The following DOCK2 variants were observed in gnomAD, a reference collection of about 807,000 sequenced individuals.
DOCK2 encodes dedicator of cytokinesis protein 2.
A neutral mutation model predicts 248.9 loss-of-function variants in DOCK2; 87 were observed. That is an observed-to-expected ratio of 0.35 (90% CI 0.29 to 0.42). DOCK2 has a LOEUF of 0.42. Ranked by LOEUF, DOCK2 falls within the 10% of genes least tolerant of loss-of-function variation. DOCK2 has a pLI of 1.00. For synonymous variants in DOCK2, 805 were observed against 821.6 expected (o/e 0.98, Z 0.35); for missense variants, 1,747 against 2,300.2 (o/e 0.76, Z 4.92).
chr5:170,012,768 C>CA (rs957067044), intron 32 of DOCK2, among the ~76,000 whole-genome samples: 1 of 152,310 alleles, frequency 6.6e-6, no homozygotes, highest in Admixed American at 6.5e-5. Context: ...AAGAAATGCA[C>CA]ATTTTGCTCA....
intron 25 of DOCK2, 137 bp from the exon 26 acceptor site, chr5:169,802,921 A>G: frequency 8.9e-7 from 1 of 1,123,004 alleles, no homozygotes; most frequent in African/African-American, 1.6e-5. Context: ...TCTTAACCTA[A>G]TCTTTAATAT....
chr5:169,807,231 G>A (rs1004546605), intron 26 of DOCK2, among the ~76,000 whole-genome samples: 9 of 152,166 alleles, frequency 5.9e-5, no homozygotes, highest in Admixed American at 1.3e-4. Flanking sequence ...CAGCCAGCAT[G>A]AAGAGCCACA....
intron 27 of DOCK2, among the ~76,000 whole-genome samples, chr5:169,979,884 C>G (rs1443774046): frequency 6.6e-6 from 1 of 152,174 alleles, no homozygotes; most frequent in Non-Finnish European, 1.5e-5. Context: ...GCCACTCTCT[C>G]TAGATGGGGA....
In DOCK2 at chr5:170,059,008, G is replaced by A. The variant is rs575110008; in HGVS notation, c.4467+1342G>A. 8.5e-5 allele frequency among the ~76,000 whole-genome samples: 13 copies of A among 152,226 alleles called. No homozygotes were observed. The South Asian group carries it at 1.9e-3, about 22-fold the overall frequency. The stretch of plus-strand genomic sequence containing the variant: ...TTTCAACCCCTCAGCAACCCTGTGA[G>A]GTAGATATTATTATTCTTCCCATTT... On this transcript the variant is annotated intron_variant, in intron 44 of 51. Transcript: ENST00000520908.
In DOCK2 at chr5:169,949,741, A is replaced by G. The variant is rs1174650943; in HGVS notation, c.2800-33327A>G. On this transcript the variant is annotated intron_variant, in intron 27 of 51. Coordinates refer to ENST00000520908, the MANE Select transcript of DOCK2 (RefSeq NM_004946.3). Reference sequence around the variant, plus strand: ...ACAGAGTAGGAGAGTTTCTGAGTGTACACAGAGGTGTAGCATTTCAGATTC... The same window carrying G: ...ACAGAGTAGGAGAGTTTCTGAGTGTGCACAGAGGTGTAGCATTTCAGATTC... Among the ~76,000 whole-genome samples, 4 of 114,740 alleles carry G rather than the reference A, an allele frequency of 3.5e-5. 1 individual carries two copies. The highest frequency in any genetic ancestry group is 7.3e-5 in the Non-Finnish European group (4 of 54,730). 75.3% of individuals were successfully genotyped at this position (114,740 alleles called of 152,430 possible).
intron 6 of DOCK2, among the ~76,000 whole-genome samples, chr5:169,677,176 C>G (rs1015699034): frequency 4.6e-5 from 7 of 152,138 alleles, no homozygotes; most frequent in African/African-American, 7.2e-5. Flanking sequence ...TTCAGGGGAG[C>G]TGGCATGGCA....
intron 29 of DOCK2, among the ~76,000 whole-genome samples, chr5:169,990,079 C>T (rs1242435616): frequency 2.1e-5 from 2 of 94,062 alleles, no homozygotes; most frequent in Admixed American, 2.3e-4. Context: ...AAGAAAGAAC[C>T]CTCTTAATGT....
chr5:170,036,548 T>C lies in DOCK2; in HGVS notation c.3658T>C (p.Tyr1220His). Reference protein sequence around the residue: ...FYKDNNREEMYIRYLYKLRDL... With the variant: ...FYKDNNREEMHIRYLYKLRDL... ...CAAAGATAACAACAGGGAGGAGATG[T>C]ACATAAGGTAAGATTCATATTTTCT... The change falls in exon 36 of 52, where the codon TAC (tyrosine) becomes CAC (histidine). Residue 1220 changes from tyrosine (Y) to histidine (H), a missense_variant. By Grantham distance (83) the Tyr-to-His change is moderately conservative (BLOSUM62 2). This residue lies in a region of DOCK2 where 858 missense variants were observed against 1,183.5 expected (regional missense o/e 0.72). Coordinates refer to ENST00000520908, the MANE Select transcript of DOCK2 (RefSeq NM_004946.3). 1 of 1,613,254 alleles carries C rather than the reference T, an allele frequency of 6.2e-7. No homozygotes were observed. Among genetic ancestry groups the C allele is most frequent in the Non-Finnish European group, 8.5e-7 (1 of 1,179,596 alleles).
intron 27 of DOCK2, among the ~76,000 whole-genome samples, chr5:169,920,670 G>A (rs1581418558): frequency 6.6e-6 from 1 of 152,326 alleles, no homozygotes; most frequent in East Asian, 1.9e-4. Context: ...GGCAGGTGAT[G>A]GACAGTGTAG....
Position 169,903,961 on chromosome 5 carries a change from G to A in DOCK2, c.2799+63109G>A, listed in dbSNP as rs558876684. 1.1e-4 allele frequency among the ~76,000 whole-genome samples: 16 copies of A among 152,052 alleles called. 1 individual carries two copies. The highest frequency in any genetic ancestry group is 3.1e-4 in the African/African-American group (13 of 41,436). ...CAAAAAATACAAAAATTAGCTGGGC[G>A]TGGTCCTGTAATCCCAGTTACTCGG... is the stretch of plus-strand genomic sequence containing the variant. On this transcript the variant is annotated intron_variant, in intron 27 of 51. Transcript: ENST00000520908.
chr5:170,043,928 T>G (rs1338195272), intron 38 of DOCK2, among the ~76,000 whole-genome samples: 3 of 152,204 alleles, frequency 2.0e-5, no homozygotes, highest in Non-Finnish European at 4.4e-5. Flanking sequence ...AATAATAATA[T>G]TTTTTGCATT....
chr5:169,908,713 C>CTTTTTTTTTTTTTT (rs34261104), intron 27 of DOCK2, among the ~76,000 whole-genome samples: 32 of 105,044 alleles, frequency 3.0e-4, no homozygotes, highest in Middle Eastern at 4.7e-3. Flanking sequence ...TTTCTTTTTT[C>CTTTTTTTTTTTTTT]TTTTTTTTTT....
intron 2 of DOCK2, among the ~76,000 whole-genome samples, chr5:169,668,725 T>TA (rs1175159526): frequency 6.7e-6 from 1 of 148,912 alleles, no homozygotes; most frequent in African/African-American, 2.5e-5. Context: ...GTAGATCTCT[T>TA]AAAATCCCTG....
chr5:169,765,414 T>C lies in DOCK2; in HGVS notation c.2554+3789T>C, dbSNP rs538649866. On this transcript the variant is annotated intron_variant, in intron 25 of 51. Transcript: ENST00000520908. ...GAGAAACTTACAAACACTAATTTGC[T>C]GTCTTCTCCAACACAAGCTCAGACC... Among the ~76,000 whole-genome samples, 6 of 152,332 alleles carry C rather than the reference T, an allele frequency of 3.9e-5. No homozygotes were observed. In the East Asian group the frequency reaches 1.2e-3, roughly 29 times the overall value.
chr5:169,996,001 G>T (rs568996067), intron 29 of DOCK2, 85 bp from the exon 30 acceptor site: 74 of 1,451,614 alleles, frequency 5.1e-5, no homozygotes, highest in Non-Finnish European at 6.6e-5. Context: ...TCCAAAGAGG[G>T]TAAGGGAATT....
intron 27 of DOCK2, among the ~76,000 whole-genome samples, chr5:169,958,383 G>A (rs1278184093): frequency 1.3e-5 from 2 of 152,148 alleles, no homozygotes; most frequent in African/African-American, 4.8e-5. Context: ...AAAGCAAGAG[G>A]AGGGCAAACA....
intron 9 of DOCK2, 38 bp downstream of exon 9, chr5:169,689,371 A>G (rs751195268): frequency 2.1e-5 from 34 of 1,609,286 alleles, no homozygotes; most frequent in South Asian, 2.1e-4. Context: ...GTGCTCCCCA[A>G]CCACAAAAAT....
chr5:169,675,840 C>T (rs1759304196), intron 6 of DOCK2, among the ~76,000 whole-genome samples: 1 of 152,194 alleles, frequency 6.6e-6, no homozygotes, highest in South Asian at 2.1e-4. Flanking sequence ...AGAGGAAAGT[C>T]AATGGCTCCA....
At chr5:169,832,619 C>A (rs1178216192) in intron 26 of DOCK2, among the ~76,000 whole-genome samples, 2 of 152,218 alleles carry the variant, frequency 1.3e-5, no homozygotes, top group Non-Finnish European at 2.9e-5. Flanking sequence ...ACCTAGAACT[C>A]ATGCAAAAAT....
Sources: allele counts gnomAD v4.1 joint callset (sites outside exome capture counted in the v4.1 genomes callset), GRCh38; gene constraint gnomAD v4.1.1; regional missense constraint gnomAD v4.1.1; transcripts MANE v1.5; gene names NCBI Gene and HGNC (gene_info 2026-07-23, HGNC 2026-07-21).